The following WASHC3 variants were observed in gnomAD, a reference collection of about 807,000 sequenced individuals.
WASHC3 encodes WASH complex subunit 3.
Under a neutral mutation model 26.1 loss-of-function variants are expected in WASHC3, and 24 were observed. The observed-to-expected ratio is 0.92, with a 90% CI of 0.66 to 1.29. WASHC3 has a LOEUF of 1.29. WASHC3 is among the 50% of genes most tolerant of loss of function. The pLI is 0.00. For missense variants in WASHC3, 214 were observed against 229.6 expected (o/e 0.93, Z 0.44); for synonymous variants, 77 against 75.7 (o/e 1.02, Z -0.09).
In WASHC3 at chr12:102,044,195, G is replaced by A. The variant is rs182922983; in HGVS notation, c.234C>T (p.Gly78=). Residue 78 remains glycine (G), a synonymous_variant, in exon 4 of 7, where the codon GGC becomes GGT. Transcript: ENST00000240079. The part of the protein sequence containing the change: ...ILDAKLSSIP[G]LDDVTVEVSP... ...ATACTTCAACTGTGACATCATCTAG[G>A]CCTGGGATAGATGACAACTGAGAAA... is the stretch of plus-strand genomic sequence containing the variant. 186 of 1,594,944 alleles carry A rather than the reference G, an allele frequency of 1.2e-4. No individual in the cohort carries two copies. In the East Asian group the frequency reaches 3.7e-3, roughly 32 times the overall value.
At chr12:102,062,006 C>T (rs1262324732), upstream of WASHC3, 8 of 1,528,440 alleles carry the variant, frequency 5.2e-6, no homozygotes, top group Non-Finnish European at 6.3e-6. Context: ...ACAAACCCCT[C>T]CCAGATGGGG....
At chr12:102,045,271 A>T (rs1565818712) in intron 3 of WASHC3, among the ~76,000 whole-genome samples, 1 of 152,182 alleles carries the variant, frequency 6.6e-6, no homozygotes, top group Admixed American at 6.5e-5. Context: ...CAAACTAGAG[A>T]AATGTTCTAA....
rs538165801 is a variant in WASHC3 at position 102,027,262 on chromosome 12, C to A, written c.436-1224G>T. Among the ~76,000 whole-genome samples, 23 of 152,180 alleles carry A rather than the reference C, an allele frequency of 1.5e-4. No individual in the cohort carries two copies. The South Asian group carries it at 4.2e-3, about 27-fold the overall frequency. Reference sequence around the variant, plus strand: ...AAGAGTTTGTCTAAAATGAAAAGTACAAATACTTAGAAATATACACAAATC... The same window carrying A: ...AAGAGTTTGTCTAAAATGAAAAGTAAAAATACTTAGAAATATACACAAATC... On this transcript the variant is annotated intron_variant, in intron 5 of 6. Coordinates refer to ENST00000240079, the MANE Select transcript of WASHC3 (RefSeq NM_016053.4).
intron 6 of WASHC3, chr12:102,019,230 A>G (rs1565810557): frequency 6.0e-6 from 1 of 166,230 alleles, no homozygotes; most frequent in African/African-American, 2.4e-5. Flanking sequence ...AAAGCATTTT[A>G]TAAGTTGTAA....
At chr12:102,028,747 AT>A (rs1877304699) in intron 5 of WASHC3, among the ~76,000 whole-genome samples, 1 of 150,818 alleles carries the variant, frequency 6.6e-6, no homozygotes, top group South Asian at 2.1e-4. Context: ...GGAATTGATT[AT>A]AAGAATAATA....
chr12:102,040,027 C>A, intron 4 of WASHC3, 49 bp from the exon 5 acceptor site: 1 of 814,126 alleles, frequency 1.2e-6, no homozygotes, highest in Non-Finnish European at 2.0e-6. Context: ...CAAAAGGGGT[C>A]TATCATGTTA....
At chr12:102,021,705 C>T (rs756017669) in intron 6 of WASHC3, among the ~76,000 whole-genome samples, 40 of 152,142 alleles carry the variant, frequency 2.6e-4, no homozygotes, top group Non-Finnish European at 4.9e-4. Flanking sequence ...CAACTGAGAT[C>T]TAATCTATCC....
chr12:102,053,658 G>A (rs1363716149), intron 2 of WASHC3, among the ~76,000 whole-genome samples: 1 of 151,930 alleles, frequency 6.6e-6, no homozygotes, highest in Non-Finnish European at 1.5e-5. Flanking sequence ...GTGGACTTCA[G>A]GAAAATTCAG....
chr12:102,014,935 A>G (rs935711799), intron 6 of WASHC3, among the ~76,000 whole-genome samples: 32 of 152,350 alleles, frequency 2.1e-4, no homozygotes, highest in African/African-American at 5.8e-4. Context: ...ATACCACATC[A>G]AAATTGTATT....
At chr12:102,023,839 C>A (rs1454553240) in intron 6 of WASHC3, among the ~76,000 whole-genome samples, 3 of 152,128 alleles carry the variant, frequency 2.0e-5, no homozygotes, top group Non-Finnish European at 4.4e-5. Flanking sequence ...GAATTCTACC[C>A]TTAAACTTGG....
At chr12:102,041,152 A>C (rs1169463060) in intron 4 of WASHC3, among the ~76,000 whole-genome samples, 1 of 151,874 alleles carries the variant, frequency 6.6e-6, no homozygotes, top group African/African-American at 2.4e-5. Context: ...TTCATCTATA[A>C]TACAAATACA....
At chr12:102,050,158 C>T (rs1016273370) in intron 2 of WASHC3, 4 of 334,344 alleles carry the variant, frequency 1.2e-5, no homozygotes, top group African/African-American at 6.7e-5. Context: ...ACAAAAAATA[C>T]AAAAAATTAG....
chr12:102,052,381 C>T (rs1040203423), intron 2 of WASHC3, among the ~76,000 whole-genome samples: 1 of 151,678 alleles, frequency 6.6e-6, no homozygotes, highest in Non-Finnish European at 1.5e-5. Flanking sequence ...TCCAGGCTGA[C>T]ACCTGCAGGC....
intron 2 of WASHC3, among the ~76,000 whole-genome samples, chr12:102,055,983 A>G (rs908388050): frequency 4.6e-5 from 7 of 152,238 alleles, no homozygotes; most frequent in African/African-American, 1.4e-4. Flanking sequence ...CTACAAAGAC[A>G]TGACCTACAG....
chr12:102,038,773 C>T (rs1362060724), intron 5 of WASHC3, among the ~76,000 whole-genome samples: 1 of 152,128 alleles, frequency 6.6e-6, no homozygotes, highest in African/African-American at 2.4e-5. Flanking sequence ...GAAAAATCCA[C>T]TTCTGATAGC....
chr12:102,055,600 C>T (rs1442055619), intron 2 of WASHC3, among the ~76,000 whole-genome samples: 1 of 152,178 alleles, frequency 6.6e-6, no homozygotes, highest in African/African-American at 2.4e-5. Flanking sequence ...CCCACCTGGG[C>T]CCAAAGTGCT....
chr12:102,033,529 G>A (rs572866008), intron 5 of WASHC3, among the ~76,000 whole-genome samples: 1 of 151,996 alleles, frequency 6.6e-6, no homozygotes, highest in African/African-American at 2.4e-5. Flanking sequence ...TTCTTATGGG[G>A]CAGTAACTAA....
rs1435047225 is a variant in WASHC3, at chr12:102,012,896, T to C, written c.*212A>G. 4.7e-6 allele frequency: 2 copies of C among 422,184 alleles called. No individual in the cohort carries two copies. Among genetic ancestry groups the C allele is most frequent in the Non-Finnish European group, 8.4e-6 (2 of 239,466 alleles). 26.2% of individuals were successfully genotyped at this position (422,184 alleles called of 1,614,324 possible). A position where few individuals can be genotyped will look rare whatever the true frequency, so the allele number is the denominator to read the frequency against. ...CACTAATTGTACTTTATTTAGGTTATCCTATTTTTCATTTTGAGGCCCTTT... is the reference window on the plus strand; with the variant it reads ...CACTAATTGTACTTTATTTAGGTTACCCTATTTTTCATTTTGAGGCCCTTT... On this transcript the variant is annotated 3_prime_UTR_variant, in exon 7 of 7. Transcript: ENST00000240079.
chr12:102,047,576 T>C (rs1418931276), intron 2 of WASHC3, among the ~76,000 whole-genome samples: 2 of 152,190 alleles, frequency 1.3e-5, no homozygotes, highest in Non-Finnish European at 2.9e-5. Flanking sequence ...AAATTATAAG[T>C]GTATTCCTTA....
Sources: allele counts gnomAD v4.1 joint callset (sites outside exome capture counted in the v4.1 genomes callset), GRCh38; gene constraint gnomAD v4.1.1; transcripts MANE v1.5; gene names NCBI Gene and HGNC (gene_info 2026-07-23, HGNC 2026-07-21).